The following SKP2 variants were observed in gnomAD, a reference collection of about 807,000 sequenced individuals.
SKP2 encodes the protein S-phase kinase-associated protein 2.
SKP2 carries 16 observed loss-of-function variants against 51.8 expected under a neutral mutation model. The observed-to-expected ratio is 0.31, with a 90% CI of 0.21 to 0.47. The LOEUF (loss-of-function observed/expected upper bound fraction) is 0.47. SKP2 is among the 20% of genes least tolerant of loss of function. The pLI, the probability that SKP2 is intolerant of heterozygous loss-of-function variation, is 1.00. For synonymous variants in SKP2, 176 were observed against 198.6 expected (o/e 0.89, Z 0.96); for missense variants, 377 against 505.3 (o/e 0.75, Z 2.43).
At position 36,177,207 on chromosome 5, in the gene SKP2, G is replaced by A. The variant is rs774072102; in HGVS notation, c.976G>A (p.Asp326Asn). The change falls in exon 9 of 10, where the codon GAC (aspartate) becomes AAC (asparagine). Residue 326 changes from aspartate (D) to asparagine (N), a missense_variant. Coordinates refer to ENST00000274255, the MANE Select transcript of SKP2 (RefSeq NM_005983.4). Reference protein sequence around the residue: ...DLSDSVMLKNDCFQEFFQLNY... With the variant: ...DLSDSVMLKNNCFQEFFQLNY... Reference sequence around the variant, plus strand: ...CAGTGATAGTGTCATGCTAAAGAATGACTGCTTTCAGGAATTTTTCCAGCT... The same window carrying A: ...CAGTGATAGTGTCATGCTAAAGAATAACTGCTTTCAGGAATTTTTCCAGCT... The A allele has an allele frequency of 3.7e-6, 6 of 1,610,208 alleles. No homozygotes were observed. Among genetic ancestry groups the A allele is most frequent in the Non-Finnish European group, 5.1e-6 (6 of 1,176,970 alleles).
intron 6 of SKP2, 80 bp downstream of exon 6, chr5:36,170,522 A>T: frequency 1.2e-6 from 1 of 851,958 alleles, no homozygotes; most frequent in South Asian, 1.8e-5. Context: ...AAATGGGATG[A>T]ACTTTTTGAG....
At chr5:36,193,298 A>AT (rs1020177197) in intron 7 of SKP2, 3 of 152,036 alleles carry the variant, frequency 2.0e-5, no homozygotes, top group Admixed American at 6.6e-5. Flanking sequence ...AACATGGTGA[A>AT]TCCCCATATC....
At chr5:36,187,533 G>T (rs978058221), downstream of SKP2, among the ~76,000 whole-genome samples, 1 of 152,298 alleles carries the variant, frequency 6.6e-6, no homozygotes, top group East Asian at 1.9e-4. Context: ...TTTCCATGTA[G>T]TTGAGCAGTT....
intron 7 of SKP2, among the ~76,000 whole-genome samples, chr5:36,175,364 T>A (rs548266678): frequency 1.3e-5 from 2 of 152,096 alleles, no homozygotes; most frequent in Non-Finnish European, 2.9e-5. Context: ...CTATCTCATA[T>A]CCAAACGGTA....
chr5:36,161,292 TAA>T (rs5867306), intron 2 of SKP2, among the ~76,000 whole-genome samples: 4,538 of 140,860 alleles, frequency 0.032, 146 homozygotes, highest in African/African-American at 0.08. Context: ...CAAAAATTGT[TAA>T]AAAAAAAAAA....
intron 7 of SKP2, among the ~76,000 whole-genome samples, chr5:36,173,297 C>A (rs1005212697): frequency 6.6e-6 from 1 of 152,138 alleles, no homozygotes; most frequent in Non-Finnish European, 1.5e-5. Flanking sequence ...TCTTTAGATG[C>A]ATTTCTAAGG....
chr5:36,160,622 A>G (rs997603595), intron 2 of SKP2, among the ~76,000 whole-genome samples: 1 of 152,220 alleles, frequency 6.6e-6, no homozygotes, highest in African/African-American at 2.4e-5. Flanking sequence ...GTTATGCCCA[A>G]TCAATTACTA....
In SKP2 at chr5:36,174,086, T is replaced by C. The variant is rs112865749; in HGVS notation, c.901+2353T>C. Among the ~76,000 whole-genome samples the C allele has an allele frequency of 3.6e-3, 544 of 152,292 alleles. 6 individuals carry two copies. Among genetic ancestry groups the C allele is most frequent in the African/African-American group, 0.013 (525 of 41,560 alleles). ...GAGTTCAATTAGTGTTGGCTGTTAA[T>C]ACTGTTCCTTCCCCCACTACCCCCA... On this transcript the variant is annotated intron_variant, in intron 7 of 9. Coordinates refer to ENST00000274255, the MANE Select transcript of SKP2 (RefSeq NM_005983.4).
chr5:36,186,207 A>G (rs1745954330), downstream of SKP2, among the ~76,000 whole-genome samples: 2 of 152,186 alleles, frequency 1.3e-5, no homozygotes, highest in South Asian at 2.1e-4. Flanking sequence ...AACAGGGACA[A>G]TTTGACTTCC....
chr5:36,185,250 G>A (rs1328850749), downstream of SKP2, among the ~76,000 whole-genome samples: 1 of 152,160 alleles, frequency 6.6e-6, no homozygotes, highest in Non-Finnish European at 1.5e-5. Context: ...CTGTGCAGAA[G>A]CTCTTTAGTT....
chr5:36,166,678 C>T lies in SKP2; in HGVS notation c.536+16C>T. 1.2e-6 allele frequency: 2 copies of T among 1,610,430 alleles called. No homozygotes were observed. The highest frequency in any genetic ancestry group is 1.7e-6 in the Non-Finnish European group (2 of 1,177,088). ...AACATTTCAGGTAAAGATGAAAAAT[C>T]CCTGGAAAAGACTATTTCTAAATTT... On this transcript the variant is annotated intron_variant, in intron 4 of 9. Coordinates refer to ENST00000274255, the MANE Select transcript of SKP2 (RefSeq NM_005983.4).
chr5:36,154,991 A>C (rs1258753272), intron 2 of SKP2: 2 of 152,246 alleles, frequency 1.3e-5, no homozygotes, highest in African/African-American at 4.8e-5. Flanking sequence ...ATGGCGAAGA[A>C]GAAACAGATT....
intron 9 of SKP2, among the ~76,000 whole-genome samples, chr5:36,177,960 A>T (rs1745687265): frequency 6.6e-6 from 1 of 152,074 alleles, no homozygotes; most frequent in Non-Finnish European, 1.5e-5. Flanking sequence ...GGTTAGTTTT[A>T]CCTGCTCAGC....
intron 3 of SKP2, among the ~76,000 whole-genome samples, chr5:36,164,017 G>C (rs543169583): frequency 6.6e-6 from 1 of 152,280 alleles, no homozygotes; most frequent in East Asian, 1.9e-4. Context: ...CTGACTGTAG[G>C]CCAGGCGGTG....
In SKP2 at chr5:36,177,019, A is replaced by AT. The variant is rs757211143; in HGVS notation, c.953+10dup. On this transcript the variant is annotated splice_donor_region_variant and intron_variant, in intron 8 of 9. Transcript: ENST00000274255. ...AATCTTGTCCATCTAGACTTAAGGTATTTTTTTATTTGTTTATTTTAGATC... is the reference window on the plus strand; with the variant it reads ...AATCTTGTCCATCTAGACTTAAGGTATTTTTTTTATTTGTTTATTTTAGATC... 3 of 1,574,686 alleles carry AT rather than the reference A, an allele frequency of 1.9e-6. No individual in the cohort carries two copies. Among genetic ancestry groups the AT allele is most frequent in the Non-Finnish European group, 2.6e-6 (3 of 1,150,896 alleles).
At chr5:36,152,398 T>G (rs547884565) in intron 1 of SKP2, 128 bp downstream of exon 1, 1 of 935,676 alleles carries the variant, frequency 1.1e-6, no homozygotes, top group Admixed American at 1.9e-5. Flanking sequence ...TAGCCCCTTC[T>G]TGGGGAAAGT....
intron 9 of SKP2, among the ~76,000 whole-genome samples, chr5:36,181,436 C>T (rs747546906): frequency 3.2e-4 from 48 of 152,118 alleles, no homozygotes; most frequent in Admixed American, 5.2e-4. Context: ...CAACTGGTGC[C>T]GCAGTAAAAC....
intron 7 of SKP2, among the ~76,000 whole-genome samples, chr5:36,176,713 C>T (rs1745643341): frequency 1.3e-5 from 2 of 151,774 alleles, no homozygotes; most frequent in African/African-American, 2.4e-5. Context: ...TTTTTCCAGC[C>T]TGCTATTGCT....
intron 5 of SKP2, among the ~76,000 whole-genome samples, chr5:36,168,693 A>G (rs1745373614): frequency 6.6e-6 from 1 of 152,236 alleles, no homozygotes; most frequent in Non-Finnish European, 1.5e-5. Context: ...ATGCATGTGT[A>G]TTATTTGGGA....
Sources: gnomAD v4.1 joint callset for allele counts (sites outside exome capture counted in the v4.1 genomes callset) on GRCh38, gnomAD v4.1.1 for gene constraint, MANE v1.5 for transcripts, NCBI Gene and HGNC (gene_info 2026-07-23, HGNC 2026-07-21) for gene names.